TNFSF14: variants seen among roughly 807,000 people sequenced by gnomAD.
TNFSF14 encodes tumor necrosis factor ligand superfamily member 14.
A neutral mutation model predicts 22.7 loss-of-function variants in TNFSF14; 15 were observed. The ratio of observed to expected loss-of-function variants is 0.66; its 90% CI spans 0.44 to 1.02. The LOEUF is 1.02. TNFSF14 is among the 50% of genes least tolerant of loss of function. The probability of loss-of-function intolerance (pLI) is 0.00; values close to 1 mark genes in which losing one functional copy is unlikely to be tolerated. For missense variants in TNFSF14, 287 were observed against 326.2 expected (o/e 0.88, Z 0.93); for synonymous variants, 133 against 139.6 (o/e 0.95, Z 0.33).
chr19:6,669,748 ACAC>A, intron 1 of TNFSF14, 100 bp downstream of exon 1: 4 of 1,475,440 alleles, frequency 2.7e-6, no homozygotes, highest in Non-Finnish European at 3.6e-6. Context: ...ACACACACAC[ACAC>A]ACACACACAC....
chr19:6,666,618 G>A (rs1402282550), intron 3 of TNFSF14, among the ~76,000 whole-genome samples: 3 of 152,108 alleles, frequency 2.0e-5, no homozygotes, highest in African/African-American at 2.4e-5. Flanking sequence ...AAACTAGGCC[G>A]GGCCCGGTGG....
At chr19:6,666,467 T>A (rs1917431273) in intron 3 of TNFSF14, among the ~76,000 whole-genome samples, 1 of 151,650 alleles carries the variant, frequency 6.6e-6, no homozygotes, top group African/African-American at 2.4e-5. Context: ...CACCTCGTAC[T>A]CGCTGTGTGC....
chr19:6,670,217 C>T, upstream of TNFSF14: 1 of 1,448,538 alleles, frequency 6.9e-7, no homozygotes, highest in Non-Finnish European at 9.1e-7. Flanking sequence ...ACCCCTTCCC[C>T]CACTCACCCT....
At chr19:6,667,723 C>T (rs1379769651) in intron 1 of TNFSF14, among the ~76,000 whole-genome samples, 2 of 152,218 alleles carry the variant, frequency 1.3e-5, no homozygotes, top group Admixed American at 1.3e-4. Flanking sequence ...TATTACAGTG[C>T]TTGGCACATA....
chr19:6,668,442 A>G (rs935114679), intron 1 of TNFSF14, among the ~76,000 whole-genome samples: 1 of 152,174 alleles, frequency 6.6e-6, no homozygotes, highest in African/African-American at 2.4e-5. Flanking sequence ...GTGGTGGCTC[A>G]CACCTGTAAT....
At chr19:6,669,007 G>A (rs938767916) in intron 1 of TNFSF14, among the ~76,000 whole-genome samples, 2 of 152,196 alleles carry the variant, frequency 1.3e-5, no homozygotes, top group African/African-American at 2.4e-5. Context: ...TGTGGCCACC[G>A]GATCCAGACC....
rs995977979 is a variant in TNFSF14 at position 6,662,474 on chromosome 19, T to C, written c.*2452A>G. 1 of 152,146 alleles carries C rather than the reference T, an allele frequency of 6.6e-6. No individual in the cohort carries two copies. The highest frequency in any genetic ancestry group is 2.4e-5 in the African/African-American group (1 of 41,366). 9.4% of individuals were successfully genotyped at this position (152,146 alleles called of 1,614,324 possible). A position where few individuals can be genotyped will look rare whatever the true frequency, so the allele number is the denominator to read the frequency against. On this transcript the variant is annotated 3_prime_UTR_variant, in exon 4 of 4. Coordinates refer to ENST00000675206, the MANE Select transcript of TNFSF14 (RefSeq NM_001376887.1). ...GTCATATAGCTGGTGAGTGGCAGAGTGGACTCAGAACCCAGGATCATCTGA... is the reference window on the plus strand; with the variant it reads ...GTCATATAGCTGGTGAGTGGCAGAGCGGACTCAGAACCCAGGATCATCTGA...
rs1462299826 is a variant in TNFSF14 at position 6,663,549 on chromosome 19, CTAATG to C, written c.*1372_*1376del. 6.6e-6 allele frequency: 1 copy of C among 152,610 alleles called. No individual in the cohort carries two copies. Among genetic ancestry groups the C allele is most frequent in the Non-Finnish European group, 1.5e-5 (1 of 68,048 alleles). The allele number at this position is 152,610 out of a possible 1,614,324, so 9.5% of individuals were successfully genotyped here. ...TGACTATAACTTGGTCTGTCTGTGT[CTAATG>C]TAATGAGTATTAATTACCAAGTGTG... On this transcript the variant is annotated 3_prime_UTR_variant, in exon 4 of 4. Transcript: ENST00000675206.
At chr19:6,669,773 C>T in intron 1 of TNFSF14, 78 bp downstream of exon 1, 2 of 1,508,560 alleles carry the variant, frequency 1.3e-6, no homozygotes, top group Non-Finnish European at 1.8e-6. Flanking sequence ...CACACACACA[C>T]AGACACACAG....
chr19:6,668,549 TAC>T (rs1917494677), intron 1 of TNFSF14, among the ~76,000 whole-genome samples: 1 of 151,920 alleles, frequency 6.6e-6, no homozygotes, highest in African/African-American at 2.4e-5. Flanking sequence ...GTACTAAAAA[TAC>T]ACAAATTAGC....
At position 6,666,676 on chromosome 19, in the gene TNFSF14, A is replaced by C. The variant is rs532823947; in HGVS notation, c.298+437T>G. On this transcript the variant is annotated intron_variant, in intron 3 of 3. Coordinates refer to ENST00000675206, the MANE Select transcript of TNFSF14 (RefSeq NM_001376887.1). ...TTTGGGAGGCCAAGGCGGGAGGATC[A>C]CCTGAGATCGGGAGTTTGAGACCAG... 2.6e-5 allele frequency among the ~76,000 whole-genome samples: 4 copies of C among 152,266 alleles called. No individual in the cohort carries two copies. In the East Asian group the frequency reaches 7.7e-4, roughly 29 times the overall value.
At chr19:6,670,216 C>T, upstream of TNFSF14, 1 of 1,448,822 alleles carries the variant, frequency 6.9e-7, no homozygotes, top group Non-Finnish European at 9.1e-7. Context: ...CACCCCTTCC[C>T]CCACTCACCC....
At chr19:6,669,773 CAG>C (rs1491323594) in intron 1 of TNFSF14, 76 bp downstream of exon 1, 191 of 1,508,250 alleles carry the variant, frequency 1.3e-4, no homozygotes, top group Admixed American at 3.3e-4. Flanking sequence ...CACACACACA[CAG>C]ACACACAGTG....
intron 1 of TNFSF14, 146 bp from the exon 2 acceptor site, chr19:6,667,595 G>T (rs939758029): frequency 2.4e-6 from 2 of 840,306 alleles, no homozygotes; most frequent in Non-Finnish European, 3.6e-6. Flanking sequence ...CTCACTTGCA[G>T]ACACACACCC....
chr19:6,668,126 C>A (rs965935686), intron 1 of TNFSF14, among the ~76,000 whole-genome samples: 1 of 151,788 alleles, frequency 6.6e-6, no homozygotes, highest in South Asian at 2.1e-4. Context: ...CTTTGGGAGG[C>A]CAAAGTGGGA....
intron 1 of TNFSF14, 35 bp from the exon 2 acceptor site, chr19:6,667,484 G>A (rs1461261954): frequency 6.4e-7 from 1 of 1,569,788 alleles, no homozygotes; most frequent in South Asian, 1.2e-5. Flanking sequence ...GTAAGAACCT[G>A]CAGCGGGGGC....
chr19:6,665,441 C>T (rs1917388370), intron 3 of TNFSF14, 91 bp from the exon 4 acceptor site: 5 of 1,362,756 alleles, frequency 3.7e-6, no homozygotes, highest in Non-Finnish European at 4.9e-6. Context: ...CAGAGTCTCG[C>T]TCTGTGGACC....
chr19:6,666,402 A>AC (rs1917429536), intron 3 of TNFSF14, among the ~76,000 whole-genome samples: 1 of 151,464 alleles, frequency 6.6e-6, no homozygotes, highest in Non-Finnish European at 1.5e-5. Flanking sequence ...GTCTCAAAAA[A>AC]AAAAAAAAAA....
Position 6,665,249 on chromosome 19 carries a change from C to T in TNFSF14, c.400G>A (p.Val134Met). 3 of 1,613,958 alleles carry T rather than the reference C, an allele frequency of 1.9e-6. No homozygotes were observed. The highest frequency in any genetic ancestry group is 2.5e-6 in the Non-Finnish European group (3 of 1,180,010). Residue 134 changes from valine to methionine, a missense_variant, in exon 4 of 4, where the codon GTG becomes ATG. Physicochemically the swap from Val to Met is conservative, Grantham distance 21 (BLOSUM62 1). Transcript: ENST00000675206. ...RGLSYHDGAL[V>M]VTKAGYYYIY... is the part of the protein sequence containing the mutation. ...TAGTAGTAGCCAGCTTTGGTGACCA[C>T]AAGGGCCCCATCGTGGTAGCTGAGG...
Sources: allele counts gnomAD v4.1 joint callset (sites outside exome capture counted in the v4.1 genomes callset), GRCh38; gene constraint gnomAD v4.1.1; transcripts MANE v1.5; gene names NCBI Gene and HGNC (gene_info 2026-07-23, HGNC 2026-07-21).